The following RAMP1 variants were observed in gnomAD, a reference collection of about 807,000 sequenced individuals.
RAMP1 encodes receptor activity modifying protein 1.
Under a neutral mutation model 8.2 loss-of-function variants are expected in RAMP1, and 7 were observed. That is an observed-to-expected ratio of 0.85 (90% CI 0.49 to 1.60). The LOEUF (loss-of-function observed/expected upper bound fraction) is 1.60, where lower values mean the gene tolerates loss of function less well. Among genes scored for constraint, RAMP1 ranks in the 40% most tolerant of loss-of-function variants. The pLI, the probability that RAMP1 is intolerant of heterozygous loss-of-function variation, is 0.00. For missense variants in RAMP1, 192 were observed against 202.4 expected (o/e 0.95, Z 0.31); for synonymous variants, 92 against 84.7 (o/e 1.09, Z -0.47).
rs975682111 is a variant in RAMP1, at chr2:237,885,301, G to A, written c.191+7939G>A. On this transcript the variant is annotated intron_variant, in intron 2 of 2. Transcript: ENST00000254661. ...CTGAGCTCGACCCCCACGAGGTCTC[G>A]GGATGGGCTGTTCACAGAGCCCTGC... 7.9e-5 allele frequency among the ~76,000 whole-genome samples: 12 copies of A among 152,308 alleles called. No homozygotes were observed. The East Asian group carries it at 9.7e-4, about 12-fold the overall frequency.
chr2:237,909,208 G>C (rs1253031829), intron 2 of RAMP1, among the ~76,000 whole-genome samples: 3 of 152,180 alleles, frequency 2.0e-5, no homozygotes, highest in Non-Finnish European at 4.4e-5. Flanking sequence ...GAGGGCGAGG[G>C]ACAGTGGTGA....
chr2:237,860,428 C>A (rs1387198595), intron 1 of RAMP1, among the ~76,000 whole-genome samples: 1 of 152,146 alleles, frequency 6.6e-6, no homozygotes, highest in Admixed American at 6.5e-5. Flanking sequence ...GTTTGGCTTT[C>A]CACTTGGAGG....
At chr2:237,868,171 G>A (rs2062208752) in intron 1 of RAMP1, among the ~76,000 whole-genome samples, 1 of 151,980 alleles carries the variant, frequency 6.6e-6, no homozygotes, top group Non-Finnish European at 1.5e-5. Flanking sequence ...AGTCTCTCAG[G>A]TAGCTGGGAT....
chr2:237,863,922 C>T (rs1177633552), intron 1 of RAMP1, among the ~76,000 whole-genome samples: 1 of 152,124 alleles, frequency 6.6e-6, no homozygotes, highest in Non-Finnish European at 1.5e-5. Flanking sequence ...GCACCACCTC[C>T]ACCCCTCACG....
intron 2 of RAMP1, among the ~76,000 whole-genome samples, chr2:237,902,561 G>A (rs1346372691): frequency 6.6e-6 from 1 of 152,064 alleles, no homozygotes. Context: ...GCCCCTTCCT[G>A]CCTCAGAGTT....
intron 2 of RAMP1, among the ~76,000 whole-genome samples, chr2:237,898,074 C>T (rs962800590): frequency 1.3e-5 from 2 of 152,180 alleles, no homozygotes; most frequent in Non-Finnish European, 2.9e-5. Flanking sequence ...GCTGGGATTG[C>T]AGGCGGGAAC....
intron 2 of RAMP1, among the ~76,000 whole-genome samples, chr2:237,904,139 C>A (rs1559954412): frequency 6.6e-6 from 1 of 152,172 alleles, no homozygotes; most frequent in Admixed American, 6.5e-5. Flanking sequence ...TTGGGCCGGG[C>A]TCAGTGGCTC....
intron 2 of RAMP1, among the ~76,000 whole-genome samples, chr2:237,895,773 C>T (rs1437007995): frequency 6.6e-6 from 1 of 152,158 alleles, no homozygotes; most frequent in Non-Finnish European, 1.5e-5. Context: ...AAGGCAGAGC[C>T]CGTCCAGCCT....
At chr2:237,876,193 C>T (rs779733708) in intron 1 of RAMP1, among the ~76,000 whole-genome samples, 5 of 152,222 alleles carry the variant, frequency 3.3e-5, no homozygotes, top group Admixed American at 6.5e-5. Context: ...GGCCACGTGC[C>T]GGAGACTGGT....
chr2:237,880,091 C>T (rs547100149), intron 2 of RAMP1, among the ~76,000 whole-genome samples: 2 of 152,242 alleles, frequency 1.3e-5, no homozygotes, highest in Admixed American at 1.3e-4. Context: ...CTGCCAGCCC[C>T]TGGGGTCTGC....
intron 1 of RAMP1, among the ~76,000 whole-genome samples, chr2:237,876,444 T>G (rs770606362): frequency 1.4e-5 from 2 of 147,112 alleles, no homozygotes; most frequent in South Asian, 2.2e-4. Flanking sequence ...GGGCTGGGGG[T>G]CCCCCCTGGG....
In RAMP1 at chr2:237,911,403, G is replaced by T. The variant is rs80087387; in HGVS notation, c.192-125G>T. 6 of 1,362,566 alleles carry T rather than the reference G, an allele frequency of 4.4e-6. No homozygotes were observed. In the East Asian group the frequency reaches 1.5e-4, roughly 33 times the overall value. The allele number at this position is 1,362,566 out of a possible 1,614,324, so 84.4% of individuals were successfully genotyped here. On this transcript the variant is annotated intron_variant, in intron 2 of 2. Transcript: ENST00000254661. ...CTGGATCCAGGGCCACTGCCTCGGC[G>T]TCGGGGCTTCTCCGAGCCAAGCTTC...
intron 2 of RAMP1, among the ~76,000 whole-genome samples, chr2:237,886,639 G>A (rs756107950): frequency 8.5e-5 from 13 of 152,180 alleles, no homozygotes; most frequent in East Asian, 3.9e-4. Flanking sequence ...CATCTTTTTC[G>A]GAAGTCTTCT....
intron 2 of RAMP1, among the ~76,000 whole-genome samples, chr2:237,894,037 T>A (rs1015095520): frequency 1.4e-5 from 2 of 141,738 alleles, no homozygotes; most frequent in Non-Finnish European, 3.0e-5. Flanking sequence ...TGGCGTGATC[T>A]CAGCTCACTG....
intron 2 of RAMP1, among the ~76,000 whole-genome samples, chr2:237,895,892 T>A (rs546391305): frequency 6.1e-4 from 93 of 152,244 alleles, no homozygotes; most frequent in Middle Eastern, 3.4e-3. Context: ...GTCACACCCA[T>A]GTCCCCGTGA....
At chr2:237,863,349 C>G (rs1057402438) in intron 1 of RAMP1, among the ~76,000 whole-genome samples, 1 of 152,202 alleles carries the variant, frequency 6.6e-6, no homozygotes, top group Non-Finnish European at 1.5e-5. Context: ...TGCCATACCC[C>G]CTGCCTACCT....
chr2:237,876,919 G>C lies in RAMP1; in HGVS notation c.53-305G>C, dbSNP rs540172259. ...ACAGGGGCAGCCAGAGACTGTCTCC[G>C]GGCCCCTCTCATGCTGCCCATGCCT... On this transcript the variant is annotated intron_variant, in intron 1 of 2. Transcript: ENST00000254661. Among the ~76,000 whole-genome samples, 17 of 152,232 alleles carry C rather than the reference G, an allele frequency of 1.1e-4. No individual in the cohort carries two copies. In the East Asian group the frequency reaches 2.9e-3, roughly 26 times the overall value.
At position 237,911,692 on chromosome 2, in the gene RAMP1, T is replaced by G. The variant is rs765577631; in HGVS notation, c.356T>G (p.Leu119Arg). The change falls in exon 3 of 3, where the codon CTC becomes CGC. Residue 119 changes from leucine to arginine, a missense_variant. Coordinates refer to ENST00000254661, the MANE Select transcript of RAMP1 (RefSeq NM_005855.4). ...GTGCGGGACCCGCCCGGCAGCATCC[T>G]CTACCCCTTCATCGTGGTCCCCATC... is the stretch of plus-strand genomic sequence containing the variant. ...RAVRDPPGSI[L>R]YPFIVVPITV... The G allele has an allele frequency of 2.5e-6, 4 of 1,613,978 alleles. No homozygotes were observed. The East Asian group carries it at 8.9e-5, about 36-fold the overall frequency.
chr2:237,896,097 C>T (rs761463958), intron 2 of RAMP1, among the ~76,000 whole-genome samples: 3 of 152,238 alleles, frequency 2.0e-5, no homozygotes, highest in Non-Finnish European at 2.9e-5. Context: ...GACCCTGGGA[C>T]GCAATGCAAC....
Sources: allele counts gnomAD v4.1 joint callset (sites outside exome capture counted in the v4.1 genomes callset), GRCh38; gene constraint gnomAD v4.1.1; transcripts MANE v1.5; gene names NCBI Gene and HGNC (gene_info 2026-07-23, HGNC 2026-07-21).